KANSL3: variants seen among roughly 807,000 people sequenced by gnomAD.
KANSL3 encodes KAT8 regulatory NSL complex subunit 3.
KANSL3 carries 16 observed loss-of-function variants against 89.2 expected under a neutral mutation model. The observed-to-expected ratio is 0.18, with a 90% CI of 0.12 to 0.27. The LOEUF (loss-of-function observed/expected upper bound fraction) is 0.27. Ranked by LOEUF, KANSL3 falls within the 10% of genes least tolerant of loss-of-function variation. The pLI, the probability that KANSL3 is intolerant of heterozygous loss-of-function variation, is 1.00. For missense variants in KANSL3, 879 were observed against 1,110.6 expected (o/e 0.79, Z 2.96); for synonymous variants, 385 against 419.7 (o/e 0.92, Z 1.01).
intron 3 of KANSL3, among the ~76,000 whole-genome samples, chr2:96,627,373 C>T (rs558635293): frequency 1.1e-4 from 17 of 152,112 alleles, no homozygotes; most frequent in Non-Finnish European, 2.4e-4. Flanking sequence ...TGCCACCACA[C>T]CAGCTAATTT....
intron 12 of KANSL3, 92 bp downstream of exon 12, chr2:96,609,407 A>G (rs1438214478): frequency 8.7e-7 from 1 of 1,147,974 alleles, no homozygotes; most frequent in African/African-American, 1.5e-5. Flanking sequence ...TGGAGGCCTT[A>G]GAGCCAAAGA....
In KANSL3 at chr2:96,595,670, G is replaced by T. The variant is rs1326235354; in HGVS notation, c.2617-39C>A. 1.9e-6 allele frequency: 3 copies of T among 1,611,750 alleles called. No individual in the cohort carries two copies. The South Asian group carries it at 3.3e-5, about 18-fold the overall frequency. On this transcript the variant is annotated intron_variant, in intron 20 of 20. Transcript: ENST00000431828. Reference sequence around the variant, plus strand: ...GGTAGTGAAGAAGGGTCAAAGCTTTGACAGGTTATCATCATATTCAGACCC... The same window carrying T: ...GGTAGTGAAGAAGGGTCAAAGCTTTTACAGGTTATCATCATATTCAGACCC...
At chr2:96,580,996 T>C in the KANSL3 span, among the ~76,000 whole-genome samples, 1 of 152,368 alleles carries the variant, frequency 6.6e-6, no homozygotes, top group South Asian at 2.1e-4. Flanking sequence ...CATCTGGCTC[T>C]TTCCCAGCCT....
intron 5 of KANSL3, among the ~76,000 whole-genome samples, chr2:96,614,185 G>A (rs1000045868): frequency 1.9e-4 from 29 of 152,214 alleles, no homozygotes; most frequent in South Asian, 8.3e-4. Flanking sequence ...TCTGCCTCCC[G>A]GGTTCAAGCG....
At chr2:96,612,697 G>A in intron 7 of KANSL3, 121 bp downstream of exon 7, 2 of 1,082,764 alleles carry the variant, frequency 1.8e-6, no homozygotes. Context: ...CATGAAAGAA[G>A]GGTTAGAGGA....
intron 5 of KANSL3, among the ~76,000 whole-genome samples, chr2:96,616,741 A>G (rs1444920717): frequency 1.3e-5 from 2 of 152,196 alleles, no homozygotes; most frequent in African/African-American, 4.8e-5. Context: ...TGACTGGTGT[A>G]CCAGCGAGCC....
At chr2:96,636,036 CTCATTAGG>C (rs1265353945) in intron 2 of KANSL3, among the ~76,000 whole-genome samples, 1 of 151,468 alleles carries the variant, frequency 6.6e-6, no homozygotes, top group Non-Finnish European at 1.5e-5. Flanking sequence ...GTATCTCTAA[CTCATTAGG>C]TCATTAAGTC....
chr2:96,597,212 C>G (rs548253119), intron 20 of KANSL3, among the ~76,000 whole-genome samples: 1 of 152,302 alleles, frequency 6.6e-6, no homozygotes, highest in African/African-American at 2.4e-5. Context: ...GTAATATCAA[C>G]AACTATCCAG....
chr2:96,612,376 C>CAGT (rs1558706158), intron 8 of KANSL3, 23 bp from the exon 9 acceptor site: 1 of 1,610,082 alleles, frequency 6.2e-7, no homozygotes, highest in Non-Finnish European at 8.5e-7. Context: ...AGAAAGAAGA[C>CAGT]AGTAAGACAG....
intron 12 of KANSL3, 138 bp downstream of exon 12, chr2:96,609,361 T>C (rs1357397880): frequency 1.6e-5 from 12 of 773,780 alleles, no homozygotes; most frequent in Admixed American, 1.1e-4. Context: ...ATTTTTCTTT[T>C]CTTTGCTTAT....
intron 11 of KANSL3, 184 bp downstream of exon 11, chr2:96,610,539 TCTC>T: frequency 1.9e-6 from 1 of 522,838 alleles, no homozygotes; most frequent in South Asian, 2.4e-5. Flanking sequence ...ATGGTCTCAA[TCTC>T]CTGACCTCGT....
chr2:96,617,723 C>G (rs1174840982), intron 5 of KANSL3, among the ~76,000 whole-genome samples: 1 of 151,796 alleles, frequency 6.6e-6, no homozygotes, highest in Non-Finnish European at 1.5e-5. Flanking sequence ...TGTGGCAGGG[C>G]ACGGCAGCTC....
intron 5 of KANSL3, among the ~76,000 whole-genome samples, chr2:96,617,469 T>C (rs1035790133): frequency 6.6e-6 from 1 of 151,878 alleles, no homozygotes; most frequent in Non-Finnish European, 1.5e-5. Context: ...TCTGCAAGTT[T>C]TGGGGATGTG....
At chr2:96,618,225 CTT>C (rs146918920) in intron 5 of KANSL3, among the ~76,000 whole-genome samples, 9,877 of 151,546 alleles carry the variant, frequency 0.065, 626 homozygotes, top group African/African-American at 0.16. Flanking sequence ...CTCTCTCTCT[CTT>C]TCTTAGAGAC....
At chr2:96,620,895 G>A (rs1342669622) in intron 3 of KANSL3, among the ~76,000 whole-genome samples, 3 of 151,940 alleles carry the variant, frequency 2.0e-5, no homozygotes, top group African/African-American at 4.8e-5. Context: ...CCAGCTACTC[G>A]GGAGCCTGAG....
In KANSL3 at chr2:96,612,558, G is replaced by A. The variant is rs1370618131; in HGVS notation, c.918C>T (p.Ile306=). The part of the protein sequence containing the change: ...QSQLSCLGKV[I]PVATHLLNNG... ...TGTTCAGCAGATGGGTGGCTACAGGGATGACCTGAAGGAAAGAAGTAGCCC... is the reference window on the plus strand; with the variant it reads ...TGTTCAGCAGATGGGTGGCTACAGGAATGACCTGAAGGAAAGAAGTAGCCC... The change falls in exon 8 of 21, where the codon ATC becomes ATT. Residue 306 remains isoleucine (I), a synonymous_variant. Transcript: ENST00000431828. 1.9e-6 allele frequency: 3 copies of A among 1,612,930 alleles called. No individual in the cohort carries two copies. In the South Asian group the frequency reaches 3.3e-5, roughly 18 times the overall value.
At chr2:96,612,114 A>G in intron 9 of KANSL3, 168 bp downstream of exon 9, 1 of 609,726 alleles carries the variant, frequency 1.6e-6, no homozygotes, top group Non-Finnish European at 2.9e-6. Flanking sequence ...GTTTTCCAAA[A>G]TAAATTAAAA....
intron 2 of KANSL3, among the ~76,000 whole-genome samples, chr2:96,633,038 T>C (rs1316049247): frequency 1.3e-5 from 2 of 151,436 alleles, no homozygotes. Context: ...CCCAGCACTT[T>C]GGGAGGCCAA....
At chr2:96,604,225 G>T in intron 17 of KANSL3, 25 bp downstream of exon 17, 1 of 1,574,286 alleles carries the variant, frequency 6.4e-7, no homozygotes, top group Non-Finnish European at 8.6e-7. Flanking sequence ...GTGTTGGAAG[G>T]GGAGAATGCT....
Sources: gnomAD v4.1 joint callset for allele counts (sites outside exome capture counted in the v4.1 genomes callset) on GRCh38, gnomAD v4.1.1 for gene constraint, MANE v1.5 for transcripts, NCBI Gene and HGNC (gene_info 2026-07-23, HGNC 2026-07-21) for gene names.